The following SH3RF3 variants were observed in gnomAD, a reference collection of about 807,000 sequenced individuals.
The protein encoded by SH3RF3 is E3 ubiquitin-protein ligase SH3RF3.
SH3RF3 carries 29 observed loss-of-function variants against 66.3 expected under a neutral mutation model. The observed-to-expected ratio is 0.44, with a 90% CI of 0.33 to 0.60. The LOEUF is 0.60. Among genes scored for constraint, SH3RF3 ranks in the 20% least tolerant of loss-of-function variants. The pLI is 0.04. For synonymous variants in SH3RF3, 583 were observed against 532.0 expected, an observed-to-expected ratio of 1.10 and a Z score of -1.32; for missense variants, 1,194 against 1,190.9, an observed-to-expected ratio of 1.00 and a Z score of -0.04.
intron 1 of SH3RF3, among the ~76,000 whole-genome samples, chr2:109,204,625 C>A (rs577817912): frequency 3.3e-4 from 50 of 152,360 alleles, no homozygotes; most frequent in African/African-American, 1.2e-3. Flanking sequence ...TACTCCACCA[C>A]CAGGTGTGAC....
chr2:109,497,488 T>A (rs1679285231), intron 9 of SH3RF3, among the ~76,000 whole-genome samples: 1 of 152,216 alleles, frequency 6.6e-6, no homozygotes, highest in South Asian at 2.1e-4. Flanking sequence ...TTGAGCCCTG[T>A]GTCTGAAAAT....
intron 4 of SH3RF3, among the ~76,000 whole-genome samples, chr2:109,409,962 G>C (rs936775833): frequency 6.6e-6 from 1 of 152,030 alleles, no homozygotes; most frequent in Non-Finnish European, 1.5e-5. Flanking sequence ...GTTTCTTCTT[G>C]GGGTCTTCAT....
At chr2:109,364,946 C>CT (rs906587627) in intron 2 of SH3RF3, among the ~76,000 whole-genome samples, 8 of 152,124 alleles carry the variant, frequency 5.3e-5, no homozygotes, top group Admixed American at 5.2e-4. Flanking sequence ...CAAAAATTAA[C>CT]TGGGTGTAGT....
At chr2:109,315,270 G>A (rs1574568324) in intron 1 of SH3RF3, among the ~76,000 whole-genome samples, 1 of 152,182 alleles carries the variant, frequency 6.6e-6, no homozygotes, top group East Asian at 1.9e-4. Context: ...CGTGCCCACT[G>A]GGAAACACCC....
At chr2:109,207,059 T>C (rs1678858545) in intron 1 of SH3RF3, among the ~76,000 whole-genome samples, 1 of 152,126 alleles carries the variant, frequency 6.6e-6, no homozygotes, top group Admixed American at 6.5e-5. Context: ...CATGCTCATT[T>C]GGAGGAGAGG....
intron 8 of SH3RF3, among the ~76,000 whole-genome samples, chr2:109,465,313 T>A (rs1678312279): frequency 6.6e-6 from 1 of 152,212 alleles, no homozygotes; most frequent in African/African-American, 2.4e-5. Context: ...GGACATAAAT[T>A]CGGATAAATA....
intron 4 of SH3RF3, among the ~76,000 whole-genome samples, chr2:109,403,141 G>A (rs1007359488): frequency 2.0e-5 from 3 of 152,196 alleles, no homozygotes; most frequent in Non-Finnish European, 4.4e-5. Flanking sequence ...ATAGAAATGC[G>A]TCTGAGGCAC....
chr2:109,208,997 A>G (rs910515963), intron 1 of SH3RF3, among the ~76,000 whole-genome samples: 2 of 152,236 alleles, frequency 1.3e-5, no homozygotes, highest in Admixed American at 6.5e-5. Context: ...GAGGCCCGAC[A>G]TCAACACGGA....
chr2:109,201,190 C>T (rs890633383), intron 1 of SH3RF3, among the ~76,000 whole-genome samples: 7 of 152,242 alleles, frequency 4.6e-5, no homozygotes, highest in Non-Finnish European at 1.0e-4. Flanking sequence ...GCAAGATGCA[C>T]GGTCCTGAAA....
rs561895878 is a variant in SH3RF3 at position 109,405,065 on chromosome 2, C to T, written c.1299+6122C>T. ...CCTACATCTACACAAATACCCCCCA[C>T]CTTCTCTTCCCATCCTGGGCATACT... On this transcript the variant is annotated intron_variant, in intron 4 of 9. Coordinates refer to ENST00000309415, the MANE Select transcript of SH3RF3 (RefSeq NM_001099289.3). 4.0e-5 allele frequency among the ~76,000 whole-genome samples: 6 copies of T among 151,484 alleles called. No individual in the cohort carries two copies. The South Asian group carries it at 1.1e-3, about 27-fold the overall frequency.
intron 1 of SH3RF3, among the ~76,000 whole-genome samples, chr2:109,209,372 A>G (rs1306396627): frequency 6.6e-6 from 1 of 152,096 alleles, no homozygotes; most frequent in African/African-American, 2.4e-5. Flanking sequence ...GCTTCCTAGG[A>G]AGATGCCCTG....
At chr2:109,262,371 T>C (rs1200462555) in intron 1 of SH3RF3, among the ~76,000 whole-genome samples, 1 of 152,188 alleles carries the variant, frequency 6.6e-6, no homozygotes, top group Non-Finnish European at 1.5e-5. Context: ...GCAGCCATGC[T>C]GATTGCAGGA....
At chr2:109,437,414 C>T (rs756104432) in intron 7 of SH3RF3, among the ~76,000 whole-genome samples, 1 of 151,734 alleles carries the variant, frequency 6.6e-6, no homozygotes. Flanking sequence ...GTTCACTTGC[C>T]TTATCATGTT....
chr2:109,219,813 A>G (rs1679190159), intron 1 of SH3RF3, among the ~76,000 whole-genome samples: 1 of 152,216 alleles, frequency 6.6e-6, no homozygotes, highest in African/African-American at 2.4e-5. Flanking sequence ...TTGTTCATGG[A>G]TTGGAAGACT....
intron 1 of SH3RF3, among the ~76,000 whole-genome samples, chr2:109,243,805 G>A (rs1293859538): frequency 3.3e-5 from 5 of 152,202 alleles, no homozygotes; most frequent in African/African-American, 7.2e-5. Context: ...TTCTCTGTGC[G>A]TTGGGAAGCC....
At chr2:109,424,892 A>G (rs147068204) in intron 5 of SH3RF3, among the ~76,000 whole-genome samples, 178 of 152,334 alleles carry the variant, frequency 1.2e-3, no homozygotes, top group African/African-American at 4.2e-3. Flanking sequence ...CTCTCACTTT[A>G]AGTCAAAAGT....
At chr2:109,187,777 A>G (rs1678231606) in intron 1 of SH3RF3, among the ~76,000 whole-genome samples, 1 of 152,232 alleles carries the variant, frequency 6.6e-6, no homozygotes, top group Non-Finnish European at 1.5e-5. Flanking sequence ...ACAGGCACAC[A>G]GGTGGGCTTG....
chr2:109,419,618 C>G lies in SH3RF3; in HGVS notation c.1379C>G (p.Pro460Arg), dbSNP rs1044964985. 6.3e-7 allele frequency: 1 copy of G among 1,588,394 alleles called. No homozygotes were observed. The highest frequency in any genetic ancestry group is 1.8e-5 in the Admixed American group (1 of 56,478). ...ASVSGEQGTPPKVQLPLNVYL... is the reference protein window; with the variant it reads ...ASVSGEQGTPRKVQLPLNVYL... The stretch of plus-strand genomic sequence containing the variant: ...GTGTCTGGAGAGCAGGGCACGCCTC[C>G]CAAGGTCCAGCTGCCCCTCAACGTG... The change falls in exon 5 of 10, where the codon CCC (proline) becomes CGC (arginine). Residue 460 changes from proline to arginine, a missense_variant. By Grantham distance (103) the Pro-to-Arg change is moderately radical. Coordinates refer to ENST00000309415, the MANE Select transcript of SH3RF3 (RefSeq NM_001099289.3).
chr2:109,441,888 C>CA (rs1393040690), intron 7 of SH3RF3, among the ~76,000 whole-genome samples: 21 of 151,836 alleles, frequency 1.4e-4, no homozygotes, highest in Admixed American at 7.2e-4. Flanking sequence ...ACAGAATAAC[C>CA]AAAAAACATA....
Sources: allele counts gnomAD v4.1 joint callset (sites outside exome capture counted in the v4.1 genomes callset), GRCh38; gene constraint gnomAD v4.1.1; transcripts MANE v1.5; gene names NCBI Gene and HGNC (gene_info 2026-07-23, HGNC 2026-07-21).